Variants in EAPP observed in about 807,000 individuals in gnomAD.
EAPP encodes E2F associated phosphoprotein.
Under a neutral mutation model 34.3 loss-of-function variants are expected in EAPP, and 38 were observed. That is an observed-to-expected ratio of 1.11 (90% CI 0.85 to 1.45). The LOEUF (loss-of-function observed/expected upper bound fraction) is 1.45, where lower values mean the gene tolerates loss of function less well. EAPP is among the 40% of genes most tolerant of loss of function. The pLI is 0.00. For missense variants in EAPP, 338 were observed against 343.7 expected (o/e 0.98, Z 0.13); for synonymous variants, 113 against 117.6 (o/e 0.96, Z 0.25).
chr14:34,518,105 T>C (rs541490179), intron 5 of EAPP, among the ~76,000 whole-genome samples: 1 of 151,990 alleles, frequency 6.6e-6, no homozygotes, highest in South Asian at 2.1e-4. Context: ...ATTTGGTCTG[T>C]CCTTGCTTTT....
intron 5 of EAPP, among the ~76,000 whole-genome samples, chr14:34,518,748 G>A (rs765740360): frequency 1.3e-5 from 2 of 152,002 alleles, no homozygotes; most frequent in Non-Finnish European, 2.9e-5. Flanking sequence ...AAACTTCTTT[G>A]TTTCCTTTTT....
chr14:34,523,679 C>T (rs145689852), intron 5 of EAPP, among the ~76,000 whole-genome samples: 33 of 151,982 alleles, frequency 2.2e-4, no homozygotes, highest in African/African-American at 7.5e-4. Context: ...TGGGTCTACA[C>T]GCATACATCA....
intron 5 of EAPP, among the ~76,000 whole-genome samples, chr14:34,518,324 G>GTTTTTT (rs1300401238): frequency 1.1e-5 from 1 of 87,950 alleles, no homozygotes; most frequent in African/African-American, 5.2e-5. Context: ...TCTCCCTTTA[G>GTTTTTT]ATTTTTTTTT....
intron 5 of EAPP, among the ~76,000 whole-genome samples, chr14:34,520,356 C>T (rs985644128): frequency 4.0e-5 from 6 of 150,214 alleles, no homozygotes; most frequent in African/African-American, 7.4e-5. Context: ...ATTACAGGCA[C>T]GCGCCAACAC....
In EAPP at chr14:34,529,372, A is replaced by G; in HGVS notation, c.456T>C (p.Asp152=). 6.2e-7 allele frequency: 1 copy of G among 1,608,422 alleles called. No homozygotes were observed. The highest frequency in any genetic ancestry group is 8.5e-7 in the Non-Finnish European group (1 of 1,176,544). Reference sequence around the variant, plus strand: ...TAAGTTCTTACCCCCTTCTCTGTGCATCAACCCAGGCCTGATCTCTGTTAT... The same window carrying G: ...TAAGTTCTTACCCCCTTCTCTGTGCGTCAACCCAGGCCTGATCTCTGTTAT... ...EKDNRDQAWV[D]AQRRGYHGLG... The change falls in exon 4 of 6, where the codon GAT becomes GAC. Residue 152 remains aspartate (D), a synonymous_variant. Transcript: ENST00000250454.
intron 4 of EAPP, 136 bp downstream of exon 4, chr14:34,529,222 T>C (rs1880196801): frequency 3.1e-6 from 2 of 646,318 alleles, no homozygotes; most frequent in African/African-American, 3.8e-5. Context: ...ACTGAGCAGT[T>C]TTTTCCTCTA....
intron 1 of EAPP, among the ~76,000 whole-genome samples, chr14:34,538,120 G>A (rs1209238580): frequency 6.6e-6 from 1 of 152,174 alleles, no homozygotes; most frequent in Non-Finnish European, 1.5e-5. Context: ...GCTCAGGCCT[G>A]TAATCCTAGC....
At chr14:34,537,269 C>T (rs559537615) in intron 1 of EAPP, among the ~76,000 whole-genome samples, 1 of 152,274 alleles carries the variant, frequency 6.6e-6, no homozygotes, top group African/African-American at 2.4e-5. Context: ...CCTTGGCCTT[C>T]CAAAGTGCTG....
At chr14:34,519,110 G>A (rs186600324) in intron 5 of EAPP, among the ~76,000 whole-genome samples, 74 of 152,232 alleles carry the variant, frequency 4.9e-4, no homozygotes, top group Non-Finnish European at 8.8e-4. Context: ...CTTCCCCCTC[G>A]TGCTGCTCTT....
At chr14:34,530,910 AAAAAAAAAAAAAAAAAG>A (rs1458392854) in intron 3 of EAPP, among the ~76,000 whole-genome samples, 1 of 148,782 alleles carries the variant, frequency 6.7e-6, no homozygotes, top group African/African-American at 2.5e-5. Context: ...TTACCAAAAA[AAAAAAAAAAAAAAAAAG>A]AAAGAAAGAA....
intron 3 of EAPP, among the ~76,000 whole-genome samples, chr14:34,530,927 G>GAAAA (rs1880267091): frequency 1.4e-5 from 1 of 71,032 alleles, no homozygotes; most frequent in Admixed American, 1.4e-4. Context: ...AAAAAAAAAA[G>GAAAA]AAAGAAAGAA....
At chr14:34,522,705 C>A (rs1255229240) in intron 5 of EAPP, among the ~76,000 whole-genome samples, 1 of 152,196 alleles carries the variant, frequency 6.6e-6, no homozygotes, top group Non-Finnish European at 1.5e-5. Context: ...ACTGAGCGTG[C>A]TGCCTGTTCC....
chr14:34,524,946 G>A (rs1880047623), intron 4 of EAPP, 139 bp from the exon 5 acceptor site: 1 of 635,332 alleles, frequency 1.6e-6, no homozygotes, highest in Non-Finnish European at 2.7e-6. Flanking sequence ...GATGAACCTG[G>A]AGCATCTTTT....
intron 5 of EAPP, among the ~76,000 whole-genome samples, chr14:34,522,981 G>C (rs1239680721): frequency 6.6e-6 from 1 of 152,136 alleles, no homozygotes; most frequent in Non-Finnish European, 1.5e-5. Flanking sequence ...AAAATCATGA[G>C]CTCAGGGGAA....
intron 1 of EAPP, 75 bp from the exon 2 acceptor site, chr14:34,536,350 G>A (rs915031597): frequency 2.2e-5 from 26 of 1,163,302 alleles, no homozygotes; most frequent in Non-Finnish European, 2.8e-5. Context: ...GCATCTCACT[G>A]TCCAACAACA....
At position 34,516,223 on chromosome 14, in the gene EAPP, C is replaced by T. The variant is rs1879713057; in HGVS notation, c.*87G>A. On this transcript the variant is annotated 3_prime_UTR_variant, in exon 6 of 6. Transcript: ENST00000250454. ...GAGAAACACTGCTTCCTCAATGTCA[C>T]TGAAGGATATGAACAGGCAAGAGGA... 12 of 1,276,802 alleles carry T rather than the reference C, an allele frequency of 9.4e-6. No individual in the cohort carries two copies. Among genetic ancestry groups the T allele is most frequent in the South Asian group, 1.5e-5 (1 of 67,044 alleles). 79.1% of individuals were successfully genotyped at this position (1,276,802 alleles called of 1,614,324 possible).
chr14:34,527,682 T>C (rs1880140223), intron 4 of EAPP, among the ~76,000 whole-genome samples: 1 of 152,308 alleles, frequency 6.6e-6, no homozygotes, highest in Middle Eastern at 3.4e-3. Flanking sequence ...AAAAGCACTA[T>C]GCCCAGTGAA....
chr14:34,530,381 T>C (rs1175057746), intron 3 of EAPP, among the ~76,000 whole-genome samples: 3 of 151,518 alleles, frequency 2.0e-5, no homozygotes, highest in African/African-American at 7.3e-5. Context: ...AAAATAAAAA[T>C]TAAAAATTAG....
chr14:34,533,391 G>T lies in EAPP; in HGVS notation c.352+53C>A, dbSNP rs565223678. 1.3e-3 allele frequency: 1,921 copies of T among 1,432,442 alleles called. 4 individuals carry two copies. The highest frequency in any genetic ancestry group is 1.8e-3 in the Admixed American group (103 of 57,210). 88.7% of individuals were successfully genotyped at this position (1,432,442 alleles called of 1,614,324 possible). ...AATCCTAACATCTAATAATTGTTAG[G>T]TAAACCTTTTTTATAAAATATAACT... On this transcript the variant is annotated intron_variant, in intron 3 of 5. Transcript: ENST00000250454.
Sources: allele counts gnomAD v4.1 joint callset (sites outside exome capture counted in the v4.1 genomes callset), GRCh38; gene constraint gnomAD v4.1.1; transcripts MANE v1.5; gene names NCBI Gene and HGNC (gene_info 2026-07-23, HGNC 2026-07-21).